Variants in GNA12 observed in about 807,000 individuals in gnomAD.
The protein encoded by GNA12 is G protein subunit alpha 12.
In GNA12, 9 loss-of-function variants were observed where a neutral mutation model predicts 26.0. That is an observed-to-expected ratio of 0.35 (90% CI 0.21 to 0.60). The LOEUF (loss-of-function observed/expected upper bound fraction) is 0.60, where lower values mean the gene tolerates loss of function less well. Among genes scored for constraint, GNA12 ranks in the 20% least tolerant of loss-of-function variants. The pLI, the probability that GNA12 is intolerant of heterozygous loss-of-function variation, is 0.78. For missense variants in GNA12, 405 were observed against 525.8 expected, an observed-to-expected ratio of 0.77 and a Z score of 2.25; for synonymous variants, 264 against 219.6, an observed-to-expected ratio of 1.20 and a Z score of -1.79.
chr7:2,737,886 A>C (rs766878415), intron 2 of GNA12, among the ~76,000 whole-genome samples: 1 of 152,226 alleles, frequency 6.6e-6, no homozygotes, highest in Non-Finnish European at 1.5e-5. Flanking sequence ...AGAATCTTTC[A>C]AAATACTTTT....
intron 1 of GNA12, among the ~76,000 whole-genome samples, chr7:2,842,009 GAGGGAGAAAGGA>G (rs1294966107): frequency 1.4e-4 from 20 of 144,674 alleles, no homozygotes; most frequent in East Asian, 4.1e-4. Flanking sequence ...GGTAGGGAGG[GAGGGAGAAAGGA>G]AGGGAGGAAG....
At position 2,747,321 on chromosome 7, in the gene GNA12, C is replaced by T. The variant is rs186046487; in HGVS notation, c.526-13820G>A. On this transcript the variant is annotated intron_variant, in intron 2 of 3. Coordinates refer to ENST00000275364, the MANE Select transcript of GNA12 (RefSeq NM_007353.3). ...GCAGCACATCAAAAAGCTTATCCAC[C>T]ATGATCAAGTTGGGCTTCATCCCTG... is the stretch of plus-strand genomic sequence containing the variant. Among the ~76,000 whole-genome samples the T allele has an allele frequency of 5.2e-3, 794 of 152,300 alleles. 7 individuals are homozygous for T. The highest frequency in any genetic ancestry group is 0.018 in the African/African-American group (749 of 41,552).
At chr7:2,733,322 G>A (rs1170088229) in intron 3 of GNA12, 129 bp downstream of exon 3, 8 of 744,570 alleles carry the variant, frequency 1.1e-5, no homozygotes, top group East Asian at 2.7e-5. Context: ...AGTACTATTC[G>A]TGGTAATGTG....
At chr7:2,779,583 A>G (rs968189016) in intron 2 of GNA12, among the ~76,000 whole-genome samples, 4 of 152,136 alleles carry the variant, frequency 2.6e-5, no homozygotes, top group African/African-American at 9.7e-5. Context: ...TGATTATAAA[A>G]ACACTTCATT....
chr7:2,787,090 A>C (rs954500718), intron 2 of GNA12, among the ~76,000 whole-genome samples: 1 of 151,900 alleles, frequency 6.6e-6, no homozygotes, highest in Non-Finnish European at 1.5e-5. Context: ...AAGCACCCCA[A>C]ATCCACAGAC....
At position 2,817,334 on chromosome 7, in the gene GNA12, G is replaced by C. The variant is rs192631092; in HGVS notation, c.310-22191C>G. ...TTGGCCAGGCTGGTCTCGAACTCCT[G>C]ACTTCAGGTGATTCCTCCCACCCCT... On this transcript the variant is annotated intron_variant, in intron 1 of 3. Transcript: ENST00000275364. Among the ~76,000 whole-genome samples the C allele has an allele frequency of 2.3e-3, 347 of 152,274 alleles. 1 individual carries two copies. Among genetic ancestry groups the C allele is most frequent in the Middle Eastern group, 6.8e-3 (2 of 294 alleles).
intron 2 of GNA12, among the ~76,000 whole-genome samples, chr7:2,750,099 T>C (rs1169843968): frequency 1.3e-5 from 2 of 152,220 alleles, no homozygotes; most frequent in Non-Finnish European, 2.9e-5. Context: ...AAGGATGCTA[T>C]ACCACACACT....
intron 1 of GNA12, chr7:2,815,114 T>G: frequency 3.1e-6 from 3 of 953,850 alleles, no homozygotes; most frequent in Middle Eastern, 2.2e-4. Flanking sequence ...CTTGCCCGCA[T>G]GAGGCTTCCA....
chr7:2,830,953 GA>G (rs3831679), intron 1 of GNA12, among the ~76,000 whole-genome samples: 38,425 of 148,726 alleles, frequency 0.26, 5,311 homozygotes, highest in Non-Finnish European at 0.3. Context: ...AAAAATTAAT[GA>G]AAAAAAAACA....
At chr7:2,803,464 C>A (rs1359657053) in intron 1 of GNA12, among the ~76,000 whole-genome samples, 1 of 152,150 alleles carries the variant, frequency 6.6e-6, no homozygotes, top group Admixed American at 6.5e-5. Flanking sequence ...TGCTCTCACC[C>A]CAAGTGCTCT....
At chr7:2,820,217 G>C (rs1437995388) in intron 1 of GNA12, among the ~76,000 whole-genome samples, 1 of 151,906 alleles carries the variant, frequency 6.6e-6, no homozygotes, top group African/African-American at 2.4e-5. Flanking sequence ...GTGGCCGCCC[G>C]GGGCTGGGGC....
chr7:2,742,383 G>A (rs1255766326), intron 2 of GNA12, among the ~76,000 whole-genome samples: 1 of 152,154 alleles, frequency 6.6e-6, no homozygotes, highest in Non-Finnish European at 1.5e-5. Flanking sequence ...TGTCTCCAGT[G>A]TTTAACATGA....
At chr7:2,737,540 CA>C (rs1790270957) in intron 2 of GNA12, among the ~76,000 whole-genome samples, 1 of 152,174 alleles carries the variant, frequency 6.6e-6, no homozygotes, top group African/African-American at 2.4e-5. Flanking sequence ...CCACCCACCT[CA>C]GCCTCCCAGA....
chr7:2,766,321 A>G lies in GNA12; in HGVS notation c.525+28607T>C, dbSNP rs114105183. ...CCTTTTTAAGGCTGGCTAAAATTCC[A>G]TTGTGTGTATGTACTACATGCTGTT... is the stretch of plus-strand genomic sequence containing the variant. On this transcript the variant is annotated intron_variant, in intron 2 of 3. Transcript: ENST00000275364. Among the ~76,000 whole-genome samples the G allele has an allele frequency of 5.4e-3, 809 of 150,306 alleles. 7 individuals carry two copies. Among genetic ancestry groups the G allele is most frequent in the African/African-American group, 0.019 (764 of 40,842 alleles).
intron 2 of GNA12, chr7:2,763,179 A>G (rs1791650376): frequency 1.4e-6 from 1 of 729,432 alleles, no homozygotes; most frequent in Non-Finnish European, 1.7e-6. Context: ...GCAGGACTTC[A>G]CAAGACACCC....
intron 1 of GNA12, chr7:2,835,671 C>T (rs1015570541): frequency 1.1e-5 from 11 of 1,012,426 alleles, no homozygotes; most frequent in Middle Eastern, 2.9e-4. Flanking sequence ...ATGTTACTTT[C>T]GAAGAGCAAC....
At chr7:2,817,466 C>A (rs538436405) in intron 1 of GNA12, among the ~76,000 whole-genome samples, 154 of 152,326 alleles carry the variant, frequency 1.0e-3, no homozygotes, top group Non-Finnish European at 1.8e-3. Context: ...TGTATATCCT[C>A]CCTTACCCCA....
intron 1 of GNA12, among the ~76,000 whole-genome samples, chr7:2,813,214 A>G (rs888852037): frequency 1.7e-4 from 26 of 152,268 alleles, no homozygotes; most frequent in African/African-American, 5.8e-4. Context: ...CCCCTTCTAT[A>G]ACAAGAGGTT....
At chr7:2,808,509 T>C (rs1304229044) in intron 1 of GNA12, among the ~76,000 whole-genome samples, 1 of 152,142 alleles carries the variant, frequency 6.6e-6, no homozygotes, top group African/African-American at 2.4e-5. Context: ...TGAATTTGGA[T>C]GGGATGGAGA....
Sources: allele counts gnomAD v4.1 joint callset (sites outside exome capture counted in the v4.1 genomes callset), GRCh38; gene constraint gnomAD v4.1.1; transcripts MANE v1.5; gene names NCBI Gene and HGNC (gene_info 2026-07-23, HGNC 2026-07-21).